The following BCL2L11 variants were observed in gnomAD, a reference collection of about 807,000 sequenced individuals.
BCL2L11 encodes the protein bcl-2-like protein 11.
In BCL2L11, 15 loss-of-function variants were observed where a neutral mutation model predicts 20.6. The ratio of observed to expected loss-of-function variants is 0.73; its 90% CI spans 0.49 to 1.12. The LOEUF (loss-of-function observed/expected upper bound fraction) is 1.12. Among genes scored for constraint, BCL2L11 ranks in the 50% most tolerant of loss-of-function variants. BCL2L11 has a pLI of 0.00. For missense variants in BCL2L11, 292 were observed against 260.9 expected (o/e 1.12, Z -0.82); for synonymous variants, 108 against 92.8 (o/e 1.16, Z -0.94).
In BCL2L11 at chr2:111,124,119, A is replaced by C. The variant is rs778295400; in HGVS notation, c.374A>C (p.Asn125Thr). 3 of 1,611,866 alleles carry C rather than the reference A, an allele frequency of 1.9e-6. No homozygotes were observed. Among genetic ancestry groups the C allele is most frequent in the Non-Finnish European group, 2.5e-6 (3 of 1,179,184 alleles). The change falls in exon 2 of 4, where the codon AAC becomes ACC. Residue 125 changes from asparagine (N) to threonine (T), a missense_variant. Transcript: ENST00000393256. ...CCAAGTCCTCCTTGCCAGGCCTTCA[A>C]CCACTATCTCAGTGCAATGGGTAAG... is the stretch of plus-strand genomic sequence containing the variant. ...QTPSPPCQAF[N>T]HYLSAMASMR... is the part of the protein sequence containing the mutation.
intron 2 of BCL2L11, chr2:111,130,011 C>G (rs976116173): frequency 6.7e-6 from 2 of 298,554 alleles, no homozygotes; most frequent in East Asian, 1.4e-4. Context: ...TAGCTATTCA[C>G]CTGTTGAAGG....
At chr2:111,156,948 C>CT (rs2077942837) in intron 3 of BCL2L11, among the ~76,000 whole-genome samples, 1 of 152,210 alleles carries the variant, frequency 6.6e-6, no homozygotes, top group Non-Finnish European at 1.5e-5. Context: ...GTTCACCTGT[C>CT]TATCTTTTAA....
intron 2 of BCL2L11, among the ~76,000 whole-genome samples, chr2:111,134,030 T>C (rs1269955531): frequency 2.0e-5 from 3 of 152,134 alleles, no homozygotes; most frequent in African/African-American, 7.2e-5. Context: ...ATTATCTTTT[T>C]CCATCCTTTC....
rs2078930708 is a variant in BCL2L11, at chr2:111,164,515, A to G, written c.*284A>G. On this transcript the variant is annotated 3_prime_UTR_variant, in exon 4 of 4. Coordinates refer to ENST00000393256, the MANE Select transcript of BCL2L11 (RefSeq NM_138621.5). ...TTTTGGAGCAGGATTTTGTGTAAGAATGGTGTTTACATGCAGTGTGTTTTC... is the reference window on the plus strand; with the variant it reads ...TTTTGGAGCAGGATTTTGTGTAAGAGTGGTGTTTACATGCAGTGTGTTTTC... 1 of 296,180 alleles carries G rather than the reference A, an allele frequency of 3.4e-6. No homozygotes were observed. 18.3% of individuals were successfully genotyped at this position (296,180 alleles called of 1,614,324 possible). A position where few individuals can be genotyped will look rare whatever the true frequency, so the allele number is the denominator to read the frequency against.
chr2:111,159,047 G>C (rs901798312), intron 3 of BCL2L11, among the ~76,000 whole-genome samples: 12 of 152,170 alleles, frequency 7.9e-5, no homozygotes, highest in Non-Finnish European at 1.2e-4. Flanking sequence ...GAATCACTTA[G>C]TGATTCTCAA....
At chr2:111,145,825 AT>A (rs2076420817) in intron 2 of BCL2L11, 1 of 262,450 alleles carries the variant, frequency 3.8e-6, no homozygotes, top group Non-Finnish European at 5.9e-6. Flanking sequence ...TCAAAAAATG[AT>A]TTCTAAGAAG....
chr2:111,143,897 T>C (rs1218884988), intron 2 of BCL2L11, among the ~76,000 whole-genome samples: 2 of 152,196 alleles, frequency 1.3e-5, no homozygotes, highest in Admixed American at 1.3e-4. Context: ...TCTTTAGACT[T>C]GTATTTTTAT....
intron 2 of BCL2L11, among the ~76,000 whole-genome samples, chr2:111,145,010 G>C (rs899625333): frequency 6.6e-6 from 1 of 152,186 alleles, no homozygotes; most frequent in Non-Finnish European, 1.5e-5. Context: ...TCTCAGTTCT[G>C]AGTTGAATAT....
chr2:111,150,313 T>C (rs1270941371), intron 3 of BCL2L11, 166 bp downstream of exon 3: 1 of 1,388,740 alleles, frequency 7.2e-7, no homozygotes, highest in Non-Finnish European at 9.6e-7. Flanking sequence ...TTTCATTTGT[T>C]TTATGACTAA....
chr2:111,127,880 A>G (rs982793993), intron 2 of BCL2L11, among the ~76,000 whole-genome samples: 1 of 152,190 alleles, frequency 6.6e-6, no homozygotes, highest in South Asian at 2.1e-4. Context: ...TTGTTTTCAT[A>G]TGGGTTACAT....
chr2:111,160,420 G>A (rs1468974729), intron 3 of BCL2L11, among the ~76,000 whole-genome samples: 2 of 152,220 alleles, frequency 1.3e-5, no homozygotes, highest in Non-Finnish European at 2.9e-5. Context: ...CCCACCTGAT[G>A]CTGGTCAGCA....
At chr2:111,146,331 A>T (rs2076507487) in intron 2 of BCL2L11, 7 of 713,566 alleles carry the variant, frequency 9.8e-6, no homozygotes, top group African/African-American at 7.7e-5. Flanking sequence ...AGATAGCAAA[A>T]TAAAATATTT....
intron 2 of BCL2L11, among the ~76,000 whole-genome samples, chr2:111,130,444 A>C (rs1009774106): frequency 6.6e-6 from 1 of 152,238 alleles, no homozygotes; most frequent in African/African-American, 2.4e-5. Flanking sequence ...GTATATAGAA[A>C]TACAATTGAT....
Position 111,164,150 on chromosome 2 carries a change from C to T in BCL2L11, c.516C>T (p.Tyr172=). Residue 172 remains tyrosine, a synonymous_variant, in exon 4 of 4, where the codon TAC becomes TAT. Transcript: ENST00000393256. ...TGTTTCAGGTATTTTTGAATAATTA[C>T]CAAGCAGCCGAAGACCACCCACGAA... ...YYARRVFLNN[Y]QAAEDHPRMV... is the part of the protein sequence containing the mutation. 7.1e-7 allele frequency: 1 copy of T among 1,413,214 alleles called. No homozygotes were observed. Among genetic ancestry groups the T allele is most frequent in the Non-Finnish European group, 9.5e-7 (1 of 1,050,788 alleles). The allele number at this position is 1,413,214 out of a possible 1,614,324, so 87.5% of individuals were successfully genotyped here.
chr2:111,156,480 G>C (rs1324582652), intron 3 of BCL2L11, among the ~76,000 whole-genome samples: 3 of 152,184 alleles, frequency 2.0e-5, no homozygotes, highest in African/African-American at 7.2e-5. Context: ...CAGTGTTTGG[G>C]TTTAGGAGCC....
chr2:111,129,442 A>C (rs1206108769), intron 2 of BCL2L11, among the ~76,000 whole-genome samples: 1 of 152,230 alleles, frequency 6.6e-6, no homozygotes, highest in African/African-American at 2.4e-5. Flanking sequence ...CATCTTAAAA[A>C]AATTTTTTTT....
At chr2:111,149,706 G>A (rs905167882) in intron 2 of BCL2L11, among the ~76,000 whole-genome samples, 4 of 152,164 alleles carry the variant, frequency 2.6e-5, no homozygotes, top group East Asian at 1.9e-4. Flanking sequence ...TATGTTTCAA[G>A]CATATTTCTT....
intron 2 of BCL2L11, among the ~76,000 whole-genome samples, chr2:111,148,009 A>G (rs1404320340): frequency 6.6e-6 from 1 of 152,264 alleles, no homozygotes; most frequent in Non-Finnish European, 1.5e-5. Context: ...TGTGAATATC[A>G]TTGATGTATT....
chr2:111,147,136 A>G lies in BCL2L11; in HGVS notation c.395-2908A>G, dbSNP rs558496174. Among the ~76,000 whole-genome samples the G allele has an allele frequency of 2.4e-4, 36 of 152,278 alleles. No homozygotes were observed. The South Asian group carries it at 6.4e-3, about 27-fold the overall frequency. On this transcript the variant is annotated intron_variant, in intron 2 of 3. Coordinates refer to ENST00000393256, the MANE Select transcript of BCL2L11 (RefSeq NM_138621.5). ...GCTCTTACTAATGTAGTTATTGCCA[A>G]TTCCAGTATAAGCCTAGTCTCTAAA...
Sources: gnomAD v4.1 joint callset for allele counts (sites outside exome capture counted in the v4.1 genomes callset) on GRCh38, gnomAD v4.1.1 for gene constraint, MANE v1.5 for transcripts, NCBI Gene and HGNC (gene_info 2026-07-23, HGNC 2026-07-21) for gene names.